MSL2: variants seen among roughly 807,000 people sequenced by gnomAD.
MSL2 encodes MSL complex subunit 2.
MSL2 carries 2 observed loss-of-function variants against 35.8 expected under a neutral mutation model. The ratio of observed to expected loss-of-function variants is 0.06; its 90% CI spans 0.02 to 0.18. MSL2 has a LOEUF of 0.18. Ranked by LOEUF, MSL2 falls within the 10% of genes least tolerant of loss-of-function variation. The probability of loss-of-function intolerance (pLI) is 1.00; values close to 1 mark genes in which losing one functional copy is unlikely to be tolerated. For synonymous variants in MSL2, 296 were observed against 255.7 expected (o/e 1.16, Z -1.50); for missense variants, 523 against 706.7 (o/e 0.74, Z 2.95).
chr3:136,171,915 G>A (rs1381148379), intron 1 of MSL2, among the ~76,000 whole-genome samples: 1 of 151,990 alleles, frequency 6.6e-6, no homozygotes, highest in Non-Finnish European at 1.5e-5. Flanking sequence ...TGGAGACAGG[G>A]TCCCACTCTG....
chr3:136,159,148 A>C (rs972063108), intron 1 of MSL2, among the ~76,000 whole-genome samples: 1 of 152,122 alleles, frequency 6.6e-6, no homozygotes, highest in Non-Finnish European at 1.5e-5. Flanking sequence ...ACTTTGAAAA[A>C]CAACAAAATT....
At chr3:136,191,644 A>AT (rs1940694221) in intron 1 of MSL2, among the ~76,000 whole-genome samples, 2 of 152,094 alleles carry the variant, frequency 1.3e-5, no homozygotes, top group African/African-American at 4.8e-5. Flanking sequence ...ATGATGGTAC[A>AT]TGCCTGTAGT....
chr3:136,189,807 C>G (rs1163809221), intron 1 of MSL2, among the ~76,000 whole-genome samples: 1 of 151,480 alleles, frequency 6.6e-6, no homozygotes, highest in Non-Finnish European at 1.5e-5. Flanking sequence ...TGTTTTAACA[C>G]CAATGTTTAA....
chr3:136,175,572 A>G (rs919280454), intron 1 of MSL2, among the ~76,000 whole-genome samples: 2 of 152,062 alleles, frequency 1.3e-5, no homozygotes, highest in Non-Finnish European at 2.9e-5. Flanking sequence ...CTGTGGTCCC[A>G]GCTACTAAGG....
intron 1 of MSL2, among the ~76,000 whole-genome samples, chr3:136,166,481 C>T (rs1424573085): frequency 6.6e-6 from 1 of 151,732 alleles, no homozygotes; most frequent in East Asian, 1.9e-4. Flanking sequence ...TTTTTTGAAT[C>T]AACATGCTTT....
intron 1 of MSL2, among the ~76,000 whole-genome samples, chr3:136,190,410 A>T (rs1224070679): frequency 6.6e-6 from 1 of 152,096 alleles, no homozygotes; most frequent in African/African-American, 2.4e-5. Context: ...AAATTAGCCA[A>T]CCACGTGTGG....
At chr3:136,172,728 T>G (rs1001956036) in intron 1 of MSL2, among the ~76,000 whole-genome samples, 2 of 152,110 alleles carry the variant, frequency 1.3e-5, no homozygotes, top group African/African-American at 4.8e-5. Context: ...ACAGACCCCT[T>G]TGAGAATCTG....
At chr3:136,159,354 C>CT (rs71157361) in intron 1 of MSL2, among the ~76,000 whole-genome samples, 16,724 of 70,186 alleles carry the variant, frequency 0.24, 5,368 homozygotes, top group Non-Finnish European at 0.34. Flanking sequence ...AGAGTACTTT[C>CT]TTTTTTTTTT....
intron 1 of MSL2, among the ~76,000 whole-genome samples, chr3:136,183,980 A>C (rs1940438445): frequency 6.6e-6 from 1 of 152,216 alleles, no homozygotes; most frequent in Admixed American, 6.5e-5. Context: ...TCACAAAATA[A>C]TTGAAGATCA....
chr3:136,191,973 A>C (rs1940702509), intron 1 of MSL2, among the ~76,000 whole-genome samples: 1 of 152,186 alleles, frequency 6.6e-6, no homozygotes. Context: ...GGCTGTCATA[A>C]ACACCTACAT....
chr3:136,151,779 C>G lies in MSL2; in HGVS notation c.1102G>C (p.Ala368Pro). 1 of 1,614,136 alleles carries G rather than the reference C, an allele frequency of 6.2e-7. No homozygotes were observed. Among genetic ancestry groups the G allele is most frequent in the Non-Finnish European group, 8.5e-7 (1 of 1,180,026 alleles). The change falls in exon 2 of 2, where the codon GCA (alanine) becomes CCA (proline). Residue 368 changes from alanine to proline, a missense_variant. Physicochemically the swap from Ala to Pro is conservative, Grantham distance 27 (BLOSUM62 -1). Transcript: ENST00000309993. The surrounding 1 kb of genome is among the most constrained non-coding windows in gnomAD (Gnocchi z 5.2). The part of the protein sequence containing the change: ...STIIRGPTLG[A>P]SAPVTVKRES... ...CGTTTCACTGTCACAGGAGCAGATG[C>G]CCCCAGTGTTGGGCCTCGGATAATG...
rs1325112431 is a variant in MSL2 at position 136,150,853 on chromosome 3, C to G, written c.*294G>C. On this transcript the variant is annotated 3_prime_UTR_variant, in exon 2 of 2. Transcript: ENST00000309993. ...ATTATGCACAAAGCATGGCCATAAA[C>G]AATGAGGTTAATGTTATTTTTCTTG... 3.1e-6 allele frequency: 1 copy of G among 321,402 alleles called. No individual in the cohort carries two copies. Among genetic ancestry groups the G allele is most frequent in the Non-Finnish European group, 5.8e-6 (1 of 171,366 alleles). The allele number at this position is 321,402 out of a possible 1,614,324, so 19.9% of individuals were successfully genotyped here. A position where few individuals can be genotyped will look rare whatever the true frequency, so the allele number is the denominator to read the frequency against.
intron 1 of MSL2, among the ~76,000 whole-genome samples, chr3:136,175,323 G>A (rs1027396696): frequency 4.7e-5 from 7 of 148,410 alleles, no homozygotes; most frequent in Admixed American, 6.7e-5. Context: ...CAGCCTGGGC[G>A]ACAGAGCAAG....
chr3:136,166,703 T>C (rs1939864368), intron 1 of MSL2, among the ~76,000 whole-genome samples: 1 of 152,106 alleles, frequency 6.6e-6, no homozygotes, highest in African/African-American at 2.4e-5. Flanking sequence ...AGCGCTAAAA[T>C]AAATAAACCG....
chr3:136,193,409 A>T (rs1451080721), intron 1 of MSL2, among the ~76,000 whole-genome samples: 2 of 151,792 alleles, frequency 1.3e-5, no homozygotes, highest in African/African-American at 4.8e-5. Context: ...TAATGACATC[A>T]CTCTCAAATG....
At chr3:136,185,947 A>G (rs925502095) in intron 1 of MSL2, among the ~76,000 whole-genome samples, 3 of 152,288 alleles carry the variant, frequency 2.0e-5, no homozygotes, top group African/African-American at 4.8e-5. Flanking sequence ...CTTGGGGAAA[A>G]TGGAAGCCAA....
At chr3:136,194,352 A>G (rs1022753170) in intron 1 of MSL2, 24 of 945,116 alleles carry the variant, frequency 2.5e-5, no homozygotes, top group Non-Finnish European at 2.6e-5. Context: ...AAGCCAAAGT[A>G]TATTAAACCA....
At position 136,149,945 on chromosome 3, in the gene MSL2, G is replaced by C. The variant is rs1384049016; in HGVS notation, c.*1202C>G. 1.3e-5 allele frequency: 2 copies of C among 152,520 alleles called. No individual in the cohort carries two copies. Among genetic ancestry groups the C allele is most frequent in the Non-Finnish European group, 2.9e-5 (2 of 68,008 alleles). The allele number at this position is 152,520 out of a possible 1,614,324, so 9.4% of individuals were successfully genotyped here. ...CCTAGTCAGTCCTTGTTTTATTTGG[G>C]CTGTGCTCTTTCAAGCAACTGACTA... is the stretch of plus-strand genomic sequence containing the variant. On this transcript the variant is annotated 3_prime_UTR_variant, in exon 2 of 2. Transcript: ENST00000309993.
chr3:136,163,020 A>G (rs1224665990), intron 1 of MSL2, among the ~76,000 whole-genome samples: 1 of 151,852 alleles, frequency 6.6e-6, no homozygotes, highest in African/African-American at 2.4e-5. Context: ...TTAAGAGAGA[A>G]AAGGTTACAT....
Sources: allele counts gnomAD v4.1 joint callset (sites outside exome capture counted in the v4.1 genomes callset), GRCh38; gene constraint gnomAD v4.1.1; non-coding constraint Gnocchi (gnomAD v3.1); transcripts MANE v1.5; gene names NCBI Gene and HGNC (gene_info 2026-07-23, HGNC 2026-07-21).